Variants in HID1 observed in about 807,000 individuals in gnomAD.
The protein encoded by HID1 is protein HID1.
HID1 carries 42 observed loss-of-function variants against 89.7 expected under a neutral mutation model. That is an observed-to-expected ratio of 0.47 (90% CI 0.37 to 0.61). The LOEUF is 0.61. HID1 is among the 20% of genes least tolerant of loss of function. HID1 has a pLI of 0.00. For missense variants in HID1, 854 were observed against 1,039.3 expected (o/e 0.82, Z 2.45); for synonymous variants, 442 against 433.8 (o/e 1.02, Z -0.24).
At chr17:74,965,772 C>T (rs1339466922) in intron 1 of HID1, among the ~76,000 whole-genome samples, 1 of 151,468 alleles carries the variant, frequency 6.6e-6, no homozygotes, top group African/African-American at 2.4e-5. Context: ...CAAAAATTAG[C>T]CAGGCGTGGT....
intron 1 of HID1, among the ~76,000 whole-genome samples, chr17:74,966,061 T>C (rs972378154): frequency 1.3e-5 from 2 of 151,206 alleles, no homozygotes; most frequent in Admixed American, 6.6e-5. Context: ...CTGAGGCGGG[T>C]GGATCACAAG....
chr17:74,956,471 C>T (rs1427771668), intron 12 of HID1, among the ~76,000 whole-genome samples: 3 of 152,144 alleles, frequency 2.0e-5, no homozygotes, highest in Admixed American at 1.3e-4. Flanking sequence ...TGAACACTTC[C>T]TTGTCTTGTG....
Position 74,962,943 on chromosome 17 carries a change from TG to T in HID1, c.504+21del, listed in dbSNP as rs370714392. The T allele has an allele frequency of 4.8e-4, 736 of 1,539,754 alleles. 6 individuals are homozygous for T. In the African/African-American group the frequency reaches 8.1e-3, roughly 17 times the overall value. On this transcript the variant is annotated intron_variant, in intron 4 of 18. Coordinates refer to ENST00000425042, the MANE Select transcript of HID1 (RefSeq NM_030630.3). This position sits in a 1 kb window ranked among gnomAD's most constrained non-coding sequence, Gnocchi z 4.3. ...GACCAGAGCCTACTCCGCCTGGGGG[TG>T]GGGGGCTGGGGGACACTCACCACAG... is the stretch of plus-strand genomic sequence containing the variant.
In HID1 at chr17:74,964,969, C is replaced by G. The variant is rs534227535; in HGVS notation, c.67-337G>C. ...TGACCTCCCCACCTGGGCACAGCCC[C>G]AGGCCACACCATTAGGTCAAATGCT... On this transcript the variant is annotated intron_variant, in intron 1 of 18. Coordinates refer to ENST00000425042, the MANE Select transcript of HID1 (RefSeq NM_030630.3). 8.4e-4 allele frequency among the ~76,000 whole-genome samples: 128 copies of G among 152,354 alleles called. 1 individual carries two copies. The highest frequency in any genetic ancestry group is 2.9e-3 in the African/African-American group (120 of 41,576).
At chr17:74,961,329 G>A (rs990136114) in intron 6 of HID1, among the ~76,000 whole-genome samples, 3 of 151,782 alleles carry the variant, frequency 2.0e-5, no homozygotes, top group Non-Finnish European at 4.4e-5. Context: ...GCGCAGTGGC[G>A]CAATCTCGGC....
At position 74,953,563 on chromosome 17, in the gene HID1, A is replaced by G; in HGVS notation, c.1953T>C (p.Asp651=). Residue 651 remains aspartate (D), a synonymous_variant, in exon 15 of 19, where the codon GAT becomes GAC. Transcript: ENST00000425042. ...LEPEPQQSLE[D]GSPAKGEPSQ... ...CACCCACCCCCTTAGCCGGGCTGCC[A>G]TCCTCCAAGCTCTGCTGGGGCTCAG... 2.5e-6 allele frequency: 4 copies of G among 1,613,852 alleles called. No homozygotes were observed. In the South Asian group the frequency reaches 4.4e-5, roughly 18 times the overall value.
intron 14 of HID1, 126 bp downstream of exon 14, chr17:74,954,012 C>T: frequency 1.0e-6 from 1 of 955,020 alleles, no homozygotes; most frequent in Admixed American, 2.0e-5. Context: ...GTTGCCCAGC[C>T]CCATCCCCTC....
Position 74,952,283 on chromosome 17 carries a change from C to A in HID1, c.2130G>T (p.Lys710Asn). The change falls in exon 17 of 19, where the codon AAG (lysine) becomes AAT (asparagine). Residue 710 changes from lysine to asparagine, a missense_variant. Physicochemically the swap from Lys to Asn is moderately conservative, Grantham distance 94. Coordinates refer to ENST00000425042, the MANE Select transcript of HID1 (RefSeq NM_030630.3). ...GCCCGACTCACTTGTCAATGCAGAT[C>A]TTCTCCACCTGCGGAACCAGCACCT... ...LLQVLVPQVEKICIDKGLTDE... is the reference protein window; with the variant it reads ...LLQVLVPQVENICIDKGLTDE... 3 of 1,613,548 alleles carry A rather than the reference C, an allele frequency of 1.9e-6. No homozygotes were observed. The highest frequency in any genetic ancestry group is 2.5e-6 in the Non-Finnish European group (3 of 1,179,718).
At chr17:74,966,348 C>G (rs950713240) in intron 1 of HID1, among the ~76,000 whole-genome samples, 1 of 149,728 alleles carries the variant, frequency 6.7e-6, no homozygotes, top group Admixed American at 6.6e-5. Context: ...GCAACTCTCT[C>G]TCTGGGTGGT....
intron 1 of HID1, among the ~76,000 whole-genome samples, chr17:74,966,907 T>C (rs1486053716): frequency 1.3e-5 from 2 of 152,148 alleles, no homozygotes; most frequent in Admixed American, 1.3e-4. Flanking sequence ...ATGGCACCAC[T>C]GCACTCAAGC....
chr17:74,953,281 G>A (rs1295037147), intron 15 of HID1, among the ~76,000 whole-genome samples, 195 bp from the exon 16 acceptor site: 4 of 152,204 alleles, frequency 2.6e-5, no homozygotes, highest in East Asian at 3.8e-4. Flanking sequence ...AGGGCAGGCC[G>A]GGTAAAGGCC....
intron 3 of HID1, chr17:74,963,293 C>A (rs2039512884): frequency 3.6e-6 from 2 of 553,228 alleles, no homozygotes; most frequent in Admixed American, 3.3e-5. Flanking sequence ...AGCGAGGGAA[C>A]CTCCCCTACT....
In HID1 at chr17:74,972,754, G is replaced by A. The variant is rs2039671146; in HGVS notation, c.-98C>T. On this transcript the variant is annotated 5_prime_UTR_variant, in exon 1 of 19. Coordinates refer to ENST00000425042, the MANE Select transcript of HID1 (RefSeq NM_030630.3). This position sits in a 1 kb window ranked among gnomAD's most constrained non-coding sequence, Gnocchi z 6.4. Reference sequence around the variant, plus strand: ...CTCCGCGGCCCCCGCGGCTCTCGCAGGAGACAAGCGGCGCGCCCCGCCCCC... The same window carrying A: ...CTCCGCGGCCCCCGCGGCTCTCGCAAGAGACAAGCGGCGCGCCCCGCCCCC... 1.7e-6 allele frequency: 2 copies of A among 1,175,082 alleles called. No homozygotes were observed. The highest frequency in any genetic ancestry group is 1.6e-5 in the African/African-American group (1 of 61,610). The allele number at this position is 1,175,082 out of a possible 1,614,324, so 72.8% of individuals were successfully genotyped here. A position where few individuals can be genotyped will look rare whatever the true frequency, so the allele number is the denominator to read the frequency against.
In HID1 at chr17:74,972,727, A is replaced by G; in HGVS notation, c.-71T>C. ...CGGCTCCGGCTTCAGCTCCGGCTCC[A>G]GCTCCGCGGCCCCCGCGGCTCTCGC... is the stretch of plus-strand genomic sequence containing the variant. On this transcript the variant is annotated 5_prime_UTR_variant, in exon 1 of 19. Coordinates refer to ENST00000425042, the MANE Select transcript of HID1 (RefSeq NM_030630.3). This position sits in a 1 kb window ranked among gnomAD's most constrained non-coding sequence, Gnocchi z 6.4. 5 of 1,391,962 alleles carry G rather than the reference A, an allele frequency of 3.6e-6. No individual in the cohort carries two copies. Among genetic ancestry groups the G allele is most frequent in the Admixed American group, 5.0e-5 (2 of 39,714 alleles). 86.2% of individuals were successfully genotyped at this position (1,391,962 alleles called of 1,614,324 possible). A position where few individuals can be genotyped will look rare whatever the true frequency, so the allele number is the denominator to read the frequency against.
Position 74,972,644 on chromosome 17 carries a change from C to G in HID1, c.13G>C (p.Asp5His). The part of the protein sequence containing the change: MGST[D>H]SKLNFRKAVI... The stretch of plus-strand genomic sequence containing the variant: ...GCCTTCCGGAAGTTCAGCTTGGAGT[C>G]GGTCGACCCCATGTCTCTGGAGCCC... The change falls in exon 1 of 19, where the codon GAC (aspartate) becomes CAC (histidine). Residue 5 changes from aspartate to histidine, a missense_variant. Coordinates refer to ENST00000425042, the MANE Select transcript of HID1 (RefSeq NM_030630.3). This position sits in a 1 kb window ranked among gnomAD's most constrained non-coding sequence, Gnocchi z 6.4. The G allele has an allele frequency of 6.5e-7, 1 of 1,548,482 alleles. No homozygotes were observed. Among genetic ancestry groups the G allele is most frequent in the Non-Finnish European group, 8.7e-7 (1 of 1,145,514 alleles).
chr17:74,952,544 C>A (rs377212783), intron 16 of HID1, among the ~76,000 whole-genome samples, 184 bp from the exon 17 acceptor site: 120 of 152,288 alleles, frequency 7.9e-4, no homozygotes, highest in African/African-American at 2.4e-3. Context: ...GCGCCATGGC[C>A]CCGCGTTAAG....
Position 74,962,393 on chromosome 17 carries a change from G to T in HID1, c.505-53C>A. ...TTAGGGGGTCGAGAGGTGAACAGCA[G>T]CCTGGGTCAGAACCTGGCCACCTCG... On this transcript the variant is annotated intron_variant, in intron 4 of 18. Transcript: ENST00000425042. The surrounding 1 kb of genome is among the most constrained non-coding windows in gnomAD (Gnocchi z 4.3). The T allele has an allele frequency of 7.8e-7, 1 of 1,289,370 alleles. No individual in the cohort carries two copies. The highest frequency in any genetic ancestry group is 1.1e-6 in the Non-Finnish European group (1 of 906,316). The allele number at this position is 1,289,370 out of a possible 1,614,324, so 79.9% of individuals were successfully genotyped here. A position where few individuals can be genotyped will look rare whatever the true frequency, so the allele number is the denominator to read the frequency against.
At chr17:74,953,746 C>A in intron 14 of HID1, 95 bp from the exon 15 acceptor site, 1 of 949,436 alleles carries the variant, frequency 1.1e-6, no homozygotes, top group Non-Finnish European at 1.6e-6. Flanking sequence ...TGTTTTACTC[C>A]TGCTTCCCTC....
chr17:74,960,270 G>C, intron 6 of HID1, 22 bp from the exon 7 acceptor site: 1 of 1,586,126 alleles, frequency 6.3e-7, no homozygotes, highest in Non-Finnish European at 8.6e-7. Context: ...GAGGGACAAG[G>C]CTGCAGAGGC....
Sources: allele counts gnomAD v4.1 joint callset (sites outside exome capture counted in the v4.1 genomes callset), GRCh38; gene constraint gnomAD v4.1.1; non-coding constraint Gnocchi (gnomAD v3.1); transcripts MANE v1.5; gene names NCBI Gene and HGNC (gene_info 2026-07-23, HGNC 2026-07-21).